Variants in RBFOX1 observed in about 807,000 individuals in gnomAD.
RBFOX1 encodes RNA binding fox-1 homolog 1.
In RBFOX1, 8 loss-of-function variants were observed where a neutral mutation model predicts 57.7. The observed-to-expected ratio is 0.14, with a 90% confidence interval of 0.08 to 0.25. The LOEUF is 0.25. Ranked by LOEUF, RBFOX1 falls within the 10% of genes least tolerant of loss-of-function variation. RBFOX1 has a pLI of 1.00. For missense variants in RBFOX1, 611 were observed against 548.5 expected (o/e 1.11, Z -1.14); for synonymous variants, 326 against 222.4 (o/e 1.47, Z -4.15).
At chr16:5,906,217 T>G (rs1479283067) in intron 4 of RBFOX1, among the ~76,000 whole-genome samples, 3 of 152,168 alleles carry the variant, frequency 2.0e-5, no homozygotes, top group Non-Finnish European at 2.9e-5. Context: ...GGAAATAGGG[T>G]TCTTGTAGAT....
intron 1 of RBFOX1, chr16:5,366,178 ACAAAGAT>A: frequency 2.4e-6 from 1 of 423,656 alleles, no homozygotes; most frequent in Non-Finnish European, 4.6e-6. Context: ...GAAGACGAAG[ACAAAGAT>A]ATGAAACTCT....
intron 1 of RBFOX1, among the ~76,000 whole-genome samples, chr16:6,106,265 C>T (rs1353712908): frequency 2.7e-5 from 4 of 150,684 alleles, no homozygotes; most frequent in African/African-American, 9.8e-5. Flanking sequence ...CCAGACTACC[C>T]TGGCCAACAT....
chr16:7,100,161 G>T (rs1482295751), intron 4 of RBFOX1, among the ~76,000 whole-genome samples: 2 of 151,992 alleles, frequency 1.3e-5, no homozygotes, highest in African/African-American at 4.8e-5. Flanking sequence ...GGGATGCAGA[G>T]AAAACAAAAT....
At chr16:6,981,884 T>A (rs1047811967) in intron 3 of RBFOX1, among the ~76,000 whole-genome samples, 1 of 152,198 alleles carries the variant, frequency 6.6e-6, no homozygotes, top group Non-Finnish European at 1.5e-5. Flanking sequence ...TGATTCCACA[T>A]CTTGGCTATT....
chr16:7,395,885 A>G lies in RBFOX1; in HGVS notation c.28-122262A>G, dbSNP rs547418460. On this transcript the variant is annotated intron_variant, in intron 4 of 15. Transcript: ENST00000550418. ...TTAATTGACTGGCATGGTTACATAAATGTTTGTAATAGAGAAGAGTAAGTG... is the reference window on the plus strand; with the variant it reads ...TTAATTGACTGGCATGGTTACATAAGTGTTTGTAATAGAGAAGAGTAAGTG... Among the ~76,000 whole-genome samples the G allele has an allele frequency of 3.3e-5, 5 of 152,298 alleles. No homozygotes were observed. In the East Asian group the frequency reaches 9.7e-4, roughly 29 times the overall value.
chr16:6,482,378 C>G (rs543635387), intron 2 of RBFOX1, among the ~76,000 whole-genome samples: 15 of 152,268 alleles, frequency 9.9e-5, no homozygotes, highest in African/African-American at 2.4e-4. Context: ...ATTTCCCCAG[C>G]CAATTAATTT....
intron 1 of RBFOX1, among the ~76,000 whole-genome samples, chr16:6,035,269 C>T (rs1411688591): frequency 1.3e-5 from 2 of 152,220 alleles, no homozygotes; most frequent in African/African-American, 2.4e-5. Context: ...TGAGGACACA[C>T]ATGGTGGCTG....
At chr16:7,678,217 A>C (rs1172580178) in intron 14 of RBFOX1, among the ~76,000 whole-genome samples, 1 of 152,196 alleles carries the variant, frequency 6.6e-6, no homozygotes, top group Admixed American at 6.5e-5. Context: ...GGTTCTCAAT[A>C]CATAAATTAT....
At chr16:5,630,171 C>T (rs1011978167) in intron 3 of RBFOX1, among the ~76,000 whole-genome samples, 2 of 152,270 alleles carry the variant, frequency 1.3e-5, no homozygotes, top group African/African-American at 4.8e-5. Context: ...AGCATAGGCA[C>T]TTTAGCTGGG....
intron 2 of RBFOX1, among the ~76,000 whole-genome samples, chr16:6,488,987 C>G (rs1004142780): frequency 2.0e-5 from 3 of 152,166 alleles, no homozygotes; most frequent in African/African-American, 7.2e-5. Flanking sequence ...TGACTAGGAT[C>G]ATGATGCAAA....
At chr16:5,776,367 G>A (rs574819897) in intron 3 of RBFOX1, among the ~76,000 whole-genome samples, 2 of 152,286 alleles carry the variant, frequency 1.3e-5, no homozygotes, top group South Asian at 4.1e-4. Context: ...GCAGAATGTT[G>A]CATTCCTTCA....
chr16:7,689,936 A>G (rs1382706943), intron 14 of RBFOX1, among the ~76,000 whole-genome samples: 1 of 152,092 alleles, frequency 6.6e-6, no homozygotes, highest in Non-Finnish European at 1.5e-5. Context: ...GTGGTTGCAT[A>G]GTCTAAAACC....
chr16:6,219,220 G>A lies in RBFOX1; in HGVS notation c.-126-97775G>A, dbSNP rs550383214. On this transcript the variant is annotated intron_variant, in intron 1 of 15. Coordinates refer to ENST00000550418, the MANE Select transcript of RBFOX1 (RefSeq NM_018723.4). ...GCAGTGGCTCACACCTGTAATCCCA[G>A]CAGTTTGGGAGGCTGAGGTGGGAGG... 2.0e-5 allele frequency among the ~76,000 whole-genome samples: 3 copies of A among 152,334 alleles called. No homozygotes were observed. In the South Asian group the frequency reaches 6.2e-4, roughly 32 times the overall value.
chr16:7,334,711 C>G (rs919648220), intron 4 of RBFOX1, among the ~76,000 whole-genome samples: 26 of 152,126 alleles, frequency 1.7e-4, no homozygotes, highest in Non-Finnish European at 3.5e-4. Flanking sequence ...TTACGAAATG[C>G]CACTCTGGAC....
chr16:5,500,994 A>G (rs993601462), intron 2 of RBFOX1, among the ~76,000 whole-genome samples: 1 of 152,146 alleles, frequency 6.6e-6, no homozygotes, highest in Admixed American at 6.6e-5. Context: ...TTTTACAGCA[A>G]TGACTTTCAA....
chr16:6,506,723 C>T (rs186927580), intron 2 of RBFOX1, among the ~76,000 whole-genome samples: 31 of 143,190 alleles, frequency 2.2e-4, no homozygotes, highest in African/African-American at 5.9e-4. Context: ...TCTTGGCTTA[C>T]CGCAACTTCT....
At chr16:6,514,676 G>A (rs1037724255) in intron 2 of RBFOX1, among the ~76,000 whole-genome samples, 4 of 151,982 alleles carry the variant, frequency 2.6e-5, no homozygotes, top group East Asian at 3.9e-4. Context: ...CAAAAATGGT[G>A]TCTCCTGAAG....
At chr16:7,059,005 T>C (rs2053404160) in intron 4 of RBFOX1, among the ~76,000 whole-genome samples, 1 of 152,226 alleles carries the variant, frequency 6.6e-6, no homozygotes, top group African/African-American at 2.4e-5. Flanking sequence ...ATCTGCATTA[T>C]CAATATTTAA....
chr16:7,273,060 TTCCC>T (rs2095360187), intron 4 of RBFOX1, among the ~76,000 whole-genome samples: 1 of 113,032 alleles, frequency 8.8e-6, no homozygotes, highest in Non-Finnish European at 1.8e-5. Flanking sequence ...CCCTCCCTCC[TTCCC>T]TCCCTCCTTC....
Sources: allele counts gnomAD v4.1 joint callset (sites outside exome capture counted in the v4.1 genomes callset), GRCh38; gene constraint gnomAD v4.1.1; transcripts MANE v1.5; gene names NCBI Gene and HGNC (gene_info 2026-07-23, HGNC 2026-07-21).